Variants in PAX5 observed in about 807,000 individuals in gnomAD.
The protein encoded by PAX5 is paired box 5, also known as paired box protein Pax-5.
In PAX5, 9 loss-of-function variants were observed where a neutral mutation model predicts 43.7. The observed-to-expected ratio is 0.21, with a 90% CI of 0.12 to 0.36. The LOEUF (loss-of-function observed/expected upper bound fraction) is 0.36. Among genes scored for constraint, PAX5 ranks in the 10% least tolerant of loss-of-function variants. The probability of loss-of-function intolerance (pLI) is 1.00; values close to 1 mark genes in which losing one functional copy is unlikely to be tolerated. For missense variants in PAX5, 383 were observed against 532.7 expected (o/e 0.72, Z 2.77); for synonymous variants, 228 against 214.3 (o/e 1.06, Z -0.56).
chr9:36,873,374 A>C (rs536747472), intron 8 of PAX5, among the ~76,000 whole-genome samples: 134 of 152,354 alleles, frequency 8.8e-4, no homozygotes, highest in African/African-American at 3.0e-3. Context: ...TGAATGAACA[A>C]GTGAATGGCC....
rs560510048 is a variant in PAX5 at position 36,880,586 on chromosome 9, A to G, written c.1012+1418T>C. Among the ~76,000 whole-genome samples the G allele has an allele frequency of 5.3e-5, 8 of 152,284 alleles. No homozygotes were observed. The East Asian group carries it at 1.5e-3, about 29-fold the overall frequency. ...TATTTTTATTAATTGTTTTTGAGAC[A>G]GGGTATCGCTCTGTCGCCCAGGCTG... On this transcript the variant is annotated intron_variant, in intron 8 of 9. Coordinates refer to ENST00000358127, the MANE Select transcript of PAX5 (RefSeq NM_016734.3).
intron 8 of PAX5, among the ~76,000 whole-genome samples, chr9:36,865,618 A>G (rs746541028): frequency 6.6e-6 from 1 of 152,162 alleles, no homozygotes; most frequent in Non-Finnish European, 1.5e-5. Flanking sequence ...TCCGCAAATG[A>G]AGATAATCAG....
At chr9:36,884,677 G>C (rs918176682) in intron 7 of PAX5, among the ~76,000 whole-genome samples, 1 of 152,172 alleles carries the variant, frequency 6.6e-6, no homozygotes, top group African/African-American at 2.4e-5. Flanking sequence ...AATAAGCACT[G>C]GGGGGCAGGG....
At position 37,020,735 on chromosome 9, in the gene PAX5, C is replaced by T. The variant is rs2132503415; in HGVS notation, c.113G>A (p.Arg38His). The T allele has an allele frequency of 6.2e-7, 1 of 1,614,116 alleles. No individual in the cohort carries two copies. The highest frequency in any genetic ancestry group is 8.5e-7 in the Non-Finnish European group (1 of 1,180,018). The change falls in exon 2 of 10, where the codon CGC becomes CAC. Residue 38 changes from arginine (R) to histidine (H), a missense_variant. By Grantham distance (29) the Arg-to-His change is conservative. Around this residue, in one of 5 missense-constraint regions of PAX5, gnomAD observed 54 missense variants for 68.6 expected, o/e 0.79. Coordinates refer to ENST00000358127, the MANE Select transcript of PAX5 (RefSeq NM_016734.3). Reference sequence around the variant, plus strand: ...ATGAGCAAGTTCCACTATCCTCTGGCGGACTACATCCGGGAGTGGCCGTCC... The same window carrying T: ...ATGAGCAAGTTCCACTATCCTCTGGTGGACTACATCCGGGAGTGGCCGTCC... ...VNGRPLPDVV[R>H]QRIVELAHQG... is the part of the protein sequence containing the mutation.
intron 7 of PAX5, among the ~76,000 whole-genome samples, chr9:36,914,618 T>C (rs1829581653): frequency 6.6e-6 from 1 of 152,234 alleles, no homozygotes; most frequent in Non-Finnish European, 1.5e-5. Context: ...TTGAAATTAG[T>C]TGTGAAGACA....
chr9:36,955,197 T>C (rs1224937336), intron 6 of PAX5, among the ~76,000 whole-genome samples: 1 of 152,168 alleles, frequency 6.6e-6, no homozygotes, highest in Non-Finnish European at 1.5e-5. Context: ...ATTCTTGGAA[T>C]ACTCATTTTG....
intron 5 of PAX5, among the ~76,000 whole-genome samples, chr9:36,973,892 C>T (rs1251917231): frequency 6.6e-6 from 1 of 152,054 alleles, no homozygotes; most frequent in African/African-American, 2.4e-5. Flanking sequence ...TGCAGCTACT[C>T]GGGAGGCTGA....
chr9:37,025,088 C>T (rs1164968993), intron 1 of PAX5, among the ~76,000 whole-genome samples: 1 of 152,216 alleles, frequency 6.6e-6, no homozygotes, highest in African/African-American at 2.4e-5. Context: ...GCACTGGGGT[C>T]ACCACAGACT....
intron 1 of PAX5, among the ~76,000 whole-genome samples, chr9:37,031,911 T>C (rs1255949860): frequency 6.6e-6 from 1 of 152,162 alleles, no homozygotes; most frequent in Non-Finnish European, 1.5e-5. Flanking sequence ...TACCCAGAAG[T>C]TGGGAGAAGG....
In PAX5 at chr9:37,006,461, AG is replaced by A. The variant is rs1312896883; in HGVS notation, c.475+11del. The A allele has an allele frequency of 6.2e-7, 1 of 1,606,696 alleles. No homozygotes were observed. Among genetic ancestry groups the A allele is most frequent in the East Asian group, 2.2e-5 (1 of 44,868 alleles). ...ATTAGATTTTTAAATTTTTTTTAAA[AG>A]TTCCTCTTACCTATGCTGTGACTGG... On this transcript the variant is annotated intron_variant, in intron 4 of 9. Transcript: ENST00000358127.
At chr9:36,852,805 G>A (rs1044175290) in intron 8 of PAX5, among the ~76,000 whole-genome samples, 3 of 152,106 alleles carry the variant, frequency 2.0e-5, no homozygotes, top group South Asian at 2.1e-4. Context: ...TTAGAGATAC[G>A]TTCCCTCAAC....
intron 7 of PAX5, among the ~76,000 whole-genome samples, chr9:36,919,420 C>T (rs978343183): frequency 2.6e-5 from 4 of 152,336 alleles, no homozygotes; most frequent in East Asian, 1.9e-4. Context: ...TCAACTTTCA[C>T]GTTGTCTTAT....
At chr9:36,843,252 A>T (rs954579065) in intron 9 of PAX5, among the ~76,000 whole-genome samples, 4 of 152,134 alleles carry the variant, frequency 2.6e-5, no homozygotes, top group African/African-American at 9.7e-5. Context: ...CCCAGATGTC[A>T]CGAATAACCC....
At position 36,987,295 on chromosome 9, in the gene PAX5, G is replaced by T. The variant is rs554738362; in HGVS notation, c.604+15353C>A. Among the ~76,000 whole-genome samples, 11 of 152,334 alleles carry T rather than the reference G, an allele frequency of 7.2e-5. No homozygotes were observed. The South Asian group carries it at 2.1e-3, about 29-fold the overall frequency. On this transcript the variant is annotated intron_variant, in intron 5 of 9. Transcript: ENST00000358127. ...CTGTTATGGAATTCTCACAGTAATTGTATGACCTAAGTATATAGTCCCCAT... is the reference window on the plus strand; with the variant it reads ...CTGTTATGGAATTCTCACAGTAATTTTATGACCTAAGTATATAGTCCCCAT...
chr9:36,885,370 G>C (rs1170498686), intron 7 of PAX5, among the ~76,000 whole-genome samples: 1 of 152,144 alleles, frequency 6.6e-6, no homozygotes, highest in African/African-American at 2.4e-5. Context: ...CTTATTAGCT[G>C]TGTGACCTTG....
chr9:37,021,790 T>C (rs1045299364), intron 1 of PAX5, among the ~76,000 whole-genome samples: 1 of 152,140 alleles, frequency 6.6e-6, no homozygotes, highest in Admixed American at 6.5e-5. Context: ...ACCTTATAGC[T>C]GTTAATTAGT....
chr9:36,856,998 C>T (rs1303371658), intron 8 of PAX5, among the ~76,000 whole-genome samples: 1 of 152,180 alleles, frequency 6.6e-6, no homozygotes, highest in Non-Finnish European at 1.5e-5. Context: ...GCCCCAGGTT[C>T]TGCAGAGTTG....
intron 4 of PAX5, among the ~76,000 whole-genome samples, chr9:37,003,543 A>G (rs1838125019): frequency 6.6e-6 from 1 of 152,186 alleles, no homozygotes; most frequent in Non-Finnish European, 1.5e-5. Context: ...CATACAGCTA[A>G]TAAGAGGCAG....
intron 1 of PAX5, among the ~76,000 whole-genome samples, chr9:37,026,079 C>G (rs1004102456): frequency 6.6e-6 from 1 of 152,228 alleles, no homozygotes; most frequent in East Asian, 1.9e-4. Flanking sequence ...CATACAGACA[C>G]GGGTCAGGGC....
Sources: gnomAD v4.1 joint callset for allele counts (sites outside exome capture counted in the v4.1 genomes callset) on GRCh38, gnomAD v4.1.1 for gene constraint, gnomAD v4.1.1 regional missense constraint, MANE v1.5 for transcripts, NCBI Gene and HGNC (gene_info 2026-07-23, HGNC 2026-07-21) for gene names.